PPP2R2B: variants seen among roughly 807,000 people sequenced by gnomAD.
PPP2R2B encodes protein phosphatase 2 regulatory subunit Bbeta.
PPP2R2B carries 5 observed loss-of-function variants against 46.0 expected under a neutral mutation model. That is an observed-to-expected ratio of 0.11 (90% CI 0.06 to 0.23). The LOEUF (loss-of-function observed/expected upper bound fraction) is 0.23. Among genes scored for constraint, PPP2R2B ranks in the 10% least tolerant of loss-of-function variants. The pLI, the probability that PPP2R2B is intolerant of heterozygous loss-of-function variation, is 1.00. For synonymous variants in PPP2R2B, 215 were observed against 206.7 expected, an observed-to-expected ratio of 1.04 and a Z score of -0.34; for missense variants, 367 against 575.0, an observed-to-expected ratio of 0.64 and a Z score of 3.70.
chr5:147,031,169 G>A (rs1180979909), intron 1 of PPP2R2B, among the ~76,000 whole-genome samples: 4 of 152,004 alleles, frequency 2.6e-5, no homozygotes, highest in South Asian at 2.1e-4. Flanking sequence ...CCCGGGAGGC[G>A]GAGCTTGCAG....
At chr5:146,987,299 A>T (rs987774557) in intron 1 of PPP2R2B, among the ~76,000 whole-genome samples, 6 of 152,160 alleles carry the variant, frequency 3.9e-5, no homozygotes, top group Admixed American at 6.5e-5. Context: ...GCAACAAGAC[A>T]CATGTGCAAC....
At chr5:146,716,308 C>A (rs1780494250) in intron 2 of PPP2R2B, among the ~76,000 whole-genome samples, 1 of 152,130 alleles carries the variant, frequency 6.6e-6, no homozygotes, top group Non-Finnish European at 1.5e-5. Context: ...ACATGAGATC[C>A]ATGACATTGT....
intron 1 of PPP2R2B, among the ~76,000 whole-genome samples, chr5:146,960,818 T>C (rs922160502): frequency 5.3e-5 from 8 of 152,246 alleles, no homozygotes; most frequent in Admixed American, 5.2e-4. Context: ...ATTTCTTGCA[T>C]GCTGAAACTG....
At chr5:147,080,842 G>T (rs1181586333) in intron 2 of PPP2R2B, among the ~76,000 whole-genome samples, 2 of 151,854 alleles carry the variant, frequency 1.3e-5, no homozygotes, top group African/African-American at 4.8e-5. Flanking sequence ...TTTACTGAAA[G>T]TTCATTTCAG....
At chr5:147,040,714 T>TA (rs1756252337) in intron 1 of PPP2R2B, 3 of 447,972 alleles carry the variant, frequency 6.7e-6, no homozygotes, top group African/African-American at 6.1e-5. Flanking sequence ...AGGTAGCACT[T>TA]ACGAGAACAT....
At chr5:146,615,173 TA>T (rs1427268507) in intron 7 of PPP2R2B, among the ~76,000 whole-genome samples, 1 of 57,310 alleles carries the variant, frequency 1.7e-5, no homozygotes, top group East Asian at 5.3e-4. Flanking sequence ...TATGCAGCCA[TA>T]AAAAATGATG....
chr5:146,623,304 C>T (rs1401124976), intron 7 of PPP2R2B, among the ~76,000 whole-genome samples: 1 of 152,170 alleles, frequency 6.6e-6, no homozygotes, highest in East Asian at 1.9e-4. Flanking sequence ...AGCATAAACA[C>T]TTTTTAGTCA....
intron 2 of PPP2R2B, among the ~76,000 whole-genome samples, chr5:146,790,915 A>G (rs1010038542): frequency 6.6e-6 from 1 of 152,222 alleles, no homozygotes; most frequent in Non-Finnish European, 1.5e-5. Flanking sequence ...TCTGAACTAT[A>G]CTAGAGTAGA....
intron 1 of PPP2R2B, among the ~76,000 whole-genome samples, chr5:147,010,608 AAGG>A (rs1214349407): frequency 6.6e-6 from 1 of 152,112 alleles, no homozygotes; most frequent in African/African-American, 2.4e-5. Flanking sequence ...GCTGATCTGA[AAGG>A]AGGTGGAGCT....
At chr5:146,692,011 T>C (rs1409916859) in intron 4 of PPP2R2B, among the ~76,000 whole-genome samples, 1 of 152,218 alleles carries the variant, frequency 6.6e-6, no homozygotes, top group African/African-American at 2.4e-5. Context: ...TTCTTCATGA[T>C]ACCTTTTACT....
intron 8 of PPP2R2B, among the ~76,000 whole-genome samples, chr5:146,596,984 T>G (rs780848337): frequency 6.6e-6 from 1 of 152,222 alleles, no homozygotes; most frequent in Non-Finnish European, 1.5e-5. Flanking sequence ...GACACTCAAG[T>G]GGTAGCTAGA....
chr5:146,756,413 G>A lies in PPP2R2B; in HGVS notation c.71-55271C>T, dbSNP rs150160292. Among the ~76,000 whole-genome samples the A allele has an allele frequency of 1.6e-3, 239 of 152,234 alleles. 1 individual carries two copies. Among genetic ancestry groups the A allele is most frequent in the African/African-American group, 5.2e-3 (215 of 41,548 alleles). Reference sequence around the variant, plus strand: ...ATGATACTGCATGCTAGCTTCCTCAGCCTGGGAAAGAATACACTACGGCAG... The same window carrying A: ...ATGATACTGCATGCTAGCTTCCTCAACCTGGGAAAGAATACACTACGGCAG... On this transcript the variant is annotated intron_variant, in intron 2 of 9. Coordinates refer to ENST00000394411, the MANE Select transcript of PPP2R2B (RefSeq NM_181675.4).
intron 1 of PPP2R2B, among the ~76,000 whole-genome samples, chr5:146,923,770 CAT>C (rs1763689655): frequency 6.6e-6 from 1 of 152,168 alleles, no homozygotes; most frequent in Non-Finnish European, 1.5e-5. Flanking sequence ...CACATGCACA[CAT>C]ATGTTTATTG....
chr5:146,666,728 G>A (rs1212227157), intron 5 of PPP2R2B, among the ~76,000 whole-genome samples: 1 of 152,168 alleles, frequency 6.6e-6, no homozygotes. Context: ...AGGCCACTTG[G>A]CCTCCACAAA....
rs527288521 is a variant in PPP2R2B, at chr5:147,038,834, G to A, written c.79+16831C>T. Reference sequence around the variant, plus strand: ...TTGAACCCAGGTGGTCTGATCTAGGGCCAAATTATCCCCTTGTAGGATTAA... The same window carrying A: ...TTGAACCCAGGTGGTCTGATCTAGGACCAAATTATCCCCTTGTAGGATTAA... On this transcript the variant is annotated intron_variant, in intron 1 of 8. Coordinates refer to the PPP2R2B transcript ENST00000336640. Among the ~76,000 whole-genome samples the A allele has an allele frequency of 1.1e-4, 16 of 152,262 alleles. No homozygotes were observed. In the South Asian group the frequency reaches 1.2e-3, roughly 12 times the overall value.
rs538027353 is a variant in PPP2R2B, at chr5:146,896,460, G to T, written c.79+159205C>A. 6.6e-5 allele frequency among the ~76,000 whole-genome samples: 10 copies of T among 152,194 alleles called. No individual in the cohort carries two copies. In the East Asian group the frequency reaches 1.7e-3, roughly 27 times the overall value. On this transcript the variant is annotated intron_variant, in intron 1 of 8. Coordinates refer to the PPP2R2B transcript ENST00000336640. ...CTTACATTTCTCTATGCAAATTTCT[G>T]TTCCAGCCTTCCACTCAGTAAGTAC... is the stretch of plus-strand genomic sequence containing the variant.
rs1486140730 is a variant in PPP2R2B, at chr5:146,650,671, T to C, written c.501A>G (p.Val167=). The change falls in exon 6 of 10, where the codon GTA becomes GTG. Residue 167 remains valine, a synonymous_variant. Coordinates refer to ENST00000394411, the MANE Select transcript of PPP2R2B (RefSeq NM_181675.4). ...DLMVEATPRR[V]FANAHTYHIN... is the part of the protein sequence containing the mutation. Reference sequence around the variant, plus strand: ...TGTGATATGTGTGTGCGTTGGCAAATACTCTTCGTGGGGTGGCCTCCACCA... The same window carrying C: ...TGTGATATGTGTGTGCGTTGGCAAACACTCTTCGTGGGGTGGCCTCCACCA... 1.9e-6 allele frequency: 3 copies of C among 1,613,938 alleles called. No individual in the cohort carries two copies. The East Asian group carries it at 6.7e-5, about 36-fold the overall frequency.
chr5:146,786,175 TAA>T (rs1582100001), intron 2 of PPP2R2B, among the ~76,000 whole-genome samples: 1 of 152,004 alleles, frequency 6.6e-6, no homozygotes, highest in East Asian at 1.9e-4. Context: ...TATATATCAA[TAA>T]AACTATAATA....
rs376808896 is a variant in PPP2R2B at position 147,078,596 on chromosome 5, G to C, written c.50+2463C>G. On this transcript the variant is annotated intron_variant, in intron 2 of 10. Transcript: ENST00000394413. ...AGGTCAGGAGTTCGAGACCATCCTG[G>C]CTAACACGGTGAAACCCCATCTCTA... 7.9e-5 allele frequency among the ~76,000 whole-genome samples: 12 copies of C among 152,084 alleles called. No homozygotes were observed. The South Asian group carries it at 2.5e-3, about 32-fold the overall frequency.
Sources: gnomAD v4.1 joint callset for allele counts (sites outside exome capture counted in the v4.1 genomes callset) on GRCh38, gnomAD v4.1.1 for gene constraint, MANE v1.5 for transcripts, NCBI Gene and HGNC (gene_info 2026-07-23, HGNC 2026-07-21) for gene names.